The following GRIP1 variants were observed in gnomAD, a reference collection of about 807,000 sequenced individuals.
GRIP1 encodes glutamate receptor interacting protein 1, also known as glutamate receptor-interacting protein 1.
Under a neutral mutation model 129.9 loss-of-function variants are expected in GRIP1, and 45 were observed. That is an observed-to-expected ratio of 0.35 (90% confidence interval 0.27 to 0.44). The LOEUF is 0.44. GRIP1 is among the 20% of genes least tolerant of loss of function. GRIP1 has a pLI of 1.00. For missense variants in GRIP1, 1,196 were observed against 1,396.8 expected, an observed-to-expected ratio of 0.86 and a Z score of 2.29; for synonymous variants, 530 against 520.8, an observed-to-expected ratio of 1.02 and a Z score of -0.24.
intron 1 of GRIP1, among the ~76,000 whole-genome samples, chr12:67,053,821 G>A (rs2135860087): frequency 7.0e-6 from 1 of 142,606 alleles, no homozygotes; most frequent in East Asian, 2.0e-4. Context: ...CTGGGAGACA[G>A]ACAGAGACTC....
intron 1 of GRIP1, among the ~76,000 whole-genome samples, chr12:66,929,584 A>C (rs1467910694): frequency 1.3e-5 from 2 of 152,058 alleles, no homozygotes; most frequent in Admixed American, 1.3e-4. Context: ...CTACACTCTC[A>C]TATCTCTCCG....
chr12:67,039,422 A>G (rs906295941), intron 1 of GRIP1, among the ~76,000 whole-genome samples: 12 of 152,204 alleles, frequency 7.9e-5, no homozygotes, highest in Non-Finnish European at 1.2e-4. Flanking sequence ...TGTTTCAGAT[A>G]GGATAAAAGG....
intron 1 of GRIP1, among the ~76,000 whole-genome samples, chr12:66,979,354 A>C (rs1405498974): frequency 6.6e-6 from 1 of 151,868 alleles, no homozygotes; most frequent in African/African-American, 2.4e-5. Flanking sequence ...AAAAAAAAAA[A>C]CAACTCAATG....
intron 1 of GRIP1, among the ~76,000 whole-genome samples, chr12:66,763,048 C>T (rs2037522984): frequency 6.6e-6 from 1 of 151,890 alleles, no homozygotes; most frequent in East Asian, 1.9e-4. Context: ...ACTGAAAATG[C>T]AAATAAAAGT....
rs1005241812 is a variant in GRIP1, at chr12:66,653,914, T to C, written c.55+24936A>G. ...GGTCAGGACTGGACAGAGGCTGTGA[T>C]GACCTGATGTTCACAGCCTCAGAGA... On this transcript the variant is annotated intron_variant, in intron 1 of 24. Coordinates refer to ENST00000359742, the MANE Select transcript of GRIP1 (RefSeq NM_001366722.1). Among the ~76,000 whole-genome samples the C allele has an allele frequency of 3.9e-5, 6 of 152,198 alleles. No homozygotes were observed. The East Asian group carries it at 1.2e-3, about 29-fold the overall frequency.
At chr12:67,065,602 A>G (rs1392481018) in intron 1 of GRIP1, among the ~76,000 whole-genome samples, 1 of 152,230 alleles carries the variant, frequency 6.6e-6, no homozygotes, top group African/African-American at 2.4e-5. Flanking sequence ...CCTCAATAAT[A>G]AAAATGCCAA....
chr12:66,990,585 A>G (rs1401579154), intron 1 of GRIP1, among the ~76,000 whole-genome samples: 1 of 152,338 alleles, frequency 6.6e-6, no homozygotes, highest in East Asian at 1.9e-4. Context: ...ACTCACAACA[A>G]CCTGAGGAAG....
intron 2 of GRIP1, among the ~76,000 whole-genome samples, chr12:66,585,035 G>GT (rs1030462627): frequency 6.6e-6 from 1 of 151,178 alleles, no homozygotes; most frequent in Non-Finnish European, 1.5e-5. Context: ...TGCCTCTTTT[G>GT]TTTTTTTATA....
chr12:66,971,667 G>T (rs1361229475), intron 1 of GRIP1, among the ~76,000 whole-genome samples: 2 of 152,132 alleles, frequency 1.3e-5, no homozygotes, highest in Admixed American at 1.3e-4. Context: ...TCTTTAAGAA[G>T]CTCATCAAAG....
In GRIP1 at chr12:66,394,300, G is replaced by A. The variant is rs757856085; in HGVS notation, c.2037C>T (p.Tyr679=). 1.8e-5 allele frequency: 29 copies of A among 1,613,586 alleles called. 1 individual carries two copies. The South Asian group carries it at 1.9e-4, about 10-fold the overall frequency. Residue 679 remains tyrosine (Y), a synonymous_variant, in exon 17 of 25, where the codon TAC becomes TAT. Transcript: ENST00000359742. ...AAATTGTGATGCCAAGGGGCCCCCC[G>A]TAGCGTTTAAGCTCCACGGTGTAAA... is the stretch of plus-strand genomic sequence containing the variant. ...AIIYTVELKR[Y]GGPLGITISG...
intron 1 of GRIP1, among the ~76,000 whole-genome samples, chr12:66,974,647 A>C (rs1423176844): frequency 6.6e-6 from 1 of 152,234 alleles, no homozygotes; most frequent in Non-Finnish European, 1.5e-5. Context: ...CATTATAAAA[A>C]GTCAAAATGA....
intron 7 of GRIP1, among the ~76,000 whole-genome samples, chr12:66,480,339 G>T (rs2138548512): frequency 6.6e-6 from 1 of 152,106 alleles, no homozygotes; most frequent in African/African-American, 2.4e-5. Flanking sequence ...AAATACATAG[G>T]AATACAACTT....
chr12:67,065,280 G>T (rs552410577), intron 1 of GRIP1: 1 of 152,198 alleles, frequency 6.6e-6, no homozygotes, highest in Admixed American at 6.5e-5. Context: ...TAGAGGCTAC[G>T]GTGTGCAGTG....
chr12:67,009,408 T>C (rs1434948989), intron 1 of GRIP1, among the ~76,000 whole-genome samples: 1 of 152,138 alleles, frequency 6.6e-6, no homozygotes, highest in Non-Finnish European at 1.5e-5. Flanking sequence ...TATTGAGTTA[T>C]TTGGTGCTGT....
At chr12:66,895,765 T>A (rs1360162754) in intron 1 of GRIP1, among the ~76,000 whole-genome samples, 1 of 152,238 alleles carries the variant, frequency 6.6e-6, no homozygotes, top group Non-Finnish European at 1.5e-5. Context: ...ATATTAATGT[T>A]CATTTACCAG....
At chr12:66,923,216 C>T (rs2041241934) in intron 1 of GRIP1, among the ~76,000 whole-genome samples, 2 of 152,140 alleles carry the variant, frequency 1.3e-5, no homozygotes, top group East Asian at 1.9e-4. Context: ...CACAGTGGCA[C>T]ATTCCTGTAA....
intron 1 of GRIP1, among the ~76,000 whole-genome samples, chr12:66,597,628 A>G (rs1270403515): frequency 6.6e-6 from 1 of 152,224 alleles, no homozygotes. Flanking sequence ...AATTATTAAA[A>G]GAGCAACTGA....
At chr12:66,664,614 AT>A (rs1185472340) in intron 1 of GRIP1, among the ~76,000 whole-genome samples, 2 of 152,184 alleles carry the variant, frequency 1.3e-5, no homozygotes, top group Non-Finnish European at 2.9e-5. Flanking sequence ...TGTGTCTTTT[AT>A]ATTATAATTG....
chr12:67,044,669 C>G (rs1238737830), intron 1 of GRIP1, among the ~76,000 whole-genome samples: 3 of 152,142 alleles, frequency 2.0e-5, no homozygotes, highest in African/African-American at 7.2e-5. Context: ...CCAGCTACTT[C>G]TAATTCTCCT....
Sources: allele counts gnomAD v4.1 joint callset (sites outside exome capture counted in the v4.1 genomes callset), GRCh38; gene constraint gnomAD v4.1.1; transcripts MANE v1.5; gene names NCBI Gene and HGNC (gene_info 2026-07-23, HGNC 2026-07-21).